Variants in CSMD1 observed in about 807,000 individuals in gnomAD.
The protein encoded by CSMD1 is CUB and Sushi multiple domains 1, also known as CUB and sushi domain-containing protein 1.
Under a neutral mutation model 417.5 loss-of-function variants are expected in CSMD1, and 213 were observed. The observed-to-expected ratio is 0.51, with a 90% CI of 0.46 to 0.57. CSMD1 has a LOEUF of 0.57. CSMD1 is among the 20% of genes least tolerant of loss of function. The probability of loss-of-function intolerance (pLI) is 0.00; values close to 1 mark genes in which losing one functional copy is unlikely to be tolerated. For synonymous variants in CSMD1, 2,862 were observed against 1,736.8 expected (o/e 1.65, Z -16.11); for missense variants, 6,923 against 4,529.7 (o/e 1.53, Z -15.17).
intron 3 of CSMD1, among the ~76,000 whole-genome samples, chr8:4,216,221 T>A (rs1188212099): frequency 6.6e-6 from 1 of 152,160 alleles, no homozygotes; most frequent in Non-Finnish European, 1.5e-5. Context: ...CCTTCCCTGT[T>A]CCTGCACATG....
chr8:3,178,037 T>A lies in CSMD1; in HGVS notation c.5725+3073A>T, dbSNP rs182867725. ...TATATTAATAATTCAAAGATGCTAA[T>A]CTTTTTGAGCTTTTACTTGGATTCT... is the stretch of plus-strand genomic sequence containing the variant. On this transcript the variant is annotated intron_variant, in intron 37 of 69. Coordinates refer to ENST00000635120, the MANE Select transcript of CSMD1 (RefSeq NM_033225.6). 2.2e-4 allele frequency among the ~76,000 whole-genome samples: 33 copies of A among 152,322 alleles called. 1 individual carries two copies. The highest frequency in any genetic ancestry group is 7.2e-4 in the African/African-American group (30 of 41,582).
At chr8:4,822,971 G>A (rs192274091) in intron 1 of CSMD1, among the ~76,000 whole-genome samples, 1 of 152,042 alleles carries the variant, frequency 6.6e-6, no homozygotes, top group Non-Finnish European at 1.5e-5. Flanking sequence ...ATCCCATCTA[G>A]CAACCATTTG....
At chr8:4,787,852 T>G (rs1797489661) in intron 1 of CSMD1, 2 of 1,568,012 alleles carry the variant, frequency 1.3e-6, no homozygotes, top group Non-Finnish European at 8.8e-7. Flanking sequence ...GAAATCCTGG[T>G]TGCCCCAGAA....
intron 10 of CSMD1, among the ~76,000 whole-genome samples, chr8:3,565,684 G>A (rs1046989774): frequency 6.6e-6 from 1 of 152,130 alleles, no homozygotes; most frequent in Admixed American, 6.6e-5. Flanking sequence ...AAACATATCA[G>A]GATTTTCTTG....
At chr8:4,506,957 T>C (rs1351520784) in intron 2 of CSMD1, among the ~76,000 whole-genome samples, 3 of 152,212 alleles carry the variant, frequency 2.0e-5, no homozygotes, top group Non-Finnish European at 4.4e-5. Flanking sequence ...GGTGATCGAA[T>C]ACATTTTTTT....
intron 25 of CSMD1, among the ~76,000 whole-genome samples, chr8:3,297,900 C>T (rs937753503): frequency 6.6e-6 from 1 of 151,930 alleles, no homozygotes; most frequent in Non-Finnish European, 1.5e-5. Context: ...CTGTGTTTAT[C>T]AAAAGAAATC....
At chr8:4,505,542 C>T (rs1439106960) in intron 2 of CSMD1, among the ~76,000 whole-genome samples, 1 of 152,114 alleles carries the variant, frequency 6.6e-6, no homozygotes, top group African/African-American at 2.4e-5. Context: ...TCTTGATATT[C>T]ATATACTATC....
intron 1 of CSMD1, among the ~76,000 whole-genome samples, chr8:4,681,445 C>G (rs1395897111): frequency 6.6e-6 from 1 of 152,168 alleles, no homozygotes; most frequent in Non-Finnish European, 1.5e-5. Flanking sequence ...CTTTTCCAGT[C>G]ACTGGACTTT....
At position 4,043,609 on chromosome 8, in the gene CSMD1, C is replaced by A. The variant is rs937704563; in HGVS notation, c.416-11510G>T. Among the ~76,000 whole-genome samples, 5 of 152,202 alleles carry A rather than the reference C, an allele frequency of 3.3e-5. No homozygotes were observed. In the East Asian group the frequency reaches 9.6e-4, roughly 29 times the overall value. ...GGGAAATCAATGTAGAATAGCCAAA[C>A]TGGAATTTCAAAAGACGAAATGCAT... On this transcript the variant is annotated intron_variant, in intron 3 of 69. Coordinates refer to ENST00000635120, the MANE Select transcript of CSMD1 (RefSeq NM_033225.6).
At chr8:3,612,435 C>T (rs1364164896) in intron 8 of CSMD1, among the ~76,000 whole-genome samples, 1 of 152,064 alleles carries the variant, frequency 6.6e-6, no homozygotes, top group Non-Finnish European at 1.5e-5. Context: ...AAGCCTTGAA[C>T]AACACTGTCA....
intron 49 of CSMD1, among the ~76,000 whole-genome samples, chr8:3,077,191 T>C (rs1009927129): frequency 1.3e-5 from 2 of 152,156 alleles, no homozygotes; most frequent in Admixed American, 1.3e-4. Context: ...GAATGCATTT[T>C]TTAAACTTTG....
intron 3 of CSMD1, among the ~76,000 whole-genome samples, chr8:4,384,398 T>C (rs1284084790): frequency 1.3e-5 from 2 of 152,164 alleles, no homozygotes; most frequent in Non-Finnish European, 2.9e-5. Context: ...TTAAATACTT[T>C]TGGAAAATAT....
intron 7 of CSMD1, among the ~76,000 whole-genome samples, chr8:3,653,720 C>G (rs1294238344): frequency 6.6e-6 from 1 of 152,162 alleles, no homozygotes; most frequent in Non-Finnish European, 1.5e-5. Context: ...GGAATGAGGA[C>G]TCTAGTGAAG....
chr8:3,420,798 G>A (rs1463548047), intron 12 of CSMD1, among the ~76,000 whole-genome samples: 3 of 152,022 alleles, frequency 2.0e-5, no homozygotes. Context: ...TTCTGCGCAT[G>A]GATTGAAAAC....
At chr8:3,876,547 T>G (rs1204727452) in intron 5 of CSMD1, among the ~76,000 whole-genome samples, 1 of 152,208 alleles carries the variant, frequency 6.6e-6, no homozygotes, top group Admixed American at 6.5e-5. Context: ...TATTTATTCC[T>G]AAAAAATTAT....
At chr8:3,179,118 T>TG (rs771132482) in intron 37 of CSMD1, among the ~76,000 whole-genome samples, 69 of 151,358 alleles carry the variant, frequency 4.6e-4, no homozygotes, top group Non-Finnish European at 8.7e-4. Flanking sequence ...GCTAATTCTT[T>TG]GTATTTTTAG....
At chr8:4,384,646 C>T (rs1046567678) in intron 3 of CSMD1, among the ~76,000 whole-genome samples, 2 of 152,078 alleles carry the variant, frequency 1.3e-5, no homozygotes, top group Admixed American at 1.3e-4. Context: ...CAACAACCTG[C>T]TATTTCATAT....
At chr8:3,734,694 G>A (rs1563323474) in intron 6 of CSMD1, among the ~76,000 whole-genome samples, 2 of 152,228 alleles carry the variant, frequency 1.3e-5, no homozygotes, top group Admixed American at 6.5e-5. Flanking sequence ...ATGGGTGACA[G>A]AGTGAGATTT....
chr8:3,735,745 C>G lies in CSMD1; in HGVS notation c.931+18185G>C, dbSNP rs567636095. Among the ~76,000 whole-genome samples, 13 of 152,328 alleles carry G rather than the reference C, an allele frequency of 8.5e-5. No homozygotes were observed. The East Asian group carries it at 1.4e-3, about 16-fold the overall frequency. On this transcript the variant is annotated intron_variant, in intron 6 of 69. Coordinates refer to ENST00000635120, the MANE Select transcript of CSMD1 (RefSeq NM_033225.6). ...TCGTTTGGAGCAAGGCCTACCACAC[C>G]TCTAGCCTTTACAATGTTGCTGCAG...
Sources: allele counts gnomAD v4.1 joint callset (sites outside exome capture counted in the v4.1 genomes callset), GRCh38; gene constraint gnomAD v4.1.1; transcripts MANE v1.5; gene names NCBI Gene and HGNC (gene_info 2026-07-23, HGNC 2026-07-21).